The following GABPB2 variants were observed in gnomAD, a reference collection of about 807,000 sequenced individuals.
GABPB2 encodes GA binding protein transcription factor subunit beta 2.
In GABPB2, 23 loss-of-function variants were observed where a neutral mutation model predicts 39.1. The observed-to-expected ratio is 0.59, with a 90% CI of 0.42 to 0.83. The LOEUF (loss-of-function observed/expected upper bound fraction) is 0.83. GABPB2 is among the 40% of genes least tolerant of loss of function. The pLI is 0.00. For missense variants in GABPB2, 467 were observed against 541.1 expected (o/e 0.86, Z 1.36); for synonymous variants, 184 against 199.3 (o/e 0.92, Z 0.65).
In GABPB2 at chr1:151,115,109, T is replaced by C. The variant is rs370355643; in HGVS notation, c.923-2283T>C. On this transcript the variant is annotated intron_variant, in intron 7 of 8. Coordinates refer to ENST00000368918, the MANE Select transcript of GABPB2 (RefSeq NM_144618.3). ...TAAGGTAAGTGTGTGTTTTGTTTTG[T>C]TTTTTAAGAAACTGCCAAACTTGGG... Among the ~76,000 whole-genome samples the C allele has an allele frequency of 5.6e-4, 85 of 152,196 alleles. 1 individual carries two copies. Among genetic ancestry groups the C allele is most frequent in the African/African-American group, 1.8e-3 (74 of 41,562 alleles).
At chr1:151,110,969 T>C (rs866644333) in intron 7 of GABPB2, among the ~76,000 whole-genome samples, 1 of 152,146 alleles carries the variant, frequency 6.6e-6, no homozygotes. Flanking sequence ...GTAAATCTTC[T>C]GTTTTTTTGT....
intron 1 of GABPB2, among the ~76,000 whole-genome samples, chr1:151,077,356 GTTTTTTTTTT>G (rs35650542): frequency 2.7e-5 from 3 of 110,632 alleles, no homozygotes; most frequent in Non-Finnish European, 3.5e-5. Context: ...CAACTCATAG[GTTTTTTTTTT>G]TTTTTTTTTG....
At chr1:151,080,215 CAAAAAAAA>C (rs57351502) in intron 1 of GABPB2, among the ~76,000 whole-genome samples, 2 of 29,968 alleles carry the variant, frequency 6.7e-5, no homozygotes, top group Non-Finnish European at 1.6e-4. Flanking sequence ...AACTCCATCT[CAAAAAAAA>C]AAAAAAAAAA....
chr1:151,102,413 C>G (rs1179926405), intron 5 of GABPB2, among the ~76,000 whole-genome samples: 2 of 152,026 alleles, frequency 1.3e-5, no homozygotes, highest in Admixed American at 6.6e-5. Context: ...ATTGTACTAC[C>G]CTTTGACATT....
Position 151,124,924 on chromosome 1 carries a change from G to A in GABPB2, c.*6668G>A, listed in dbSNP as rs1681320003. 6.6e-6 allele frequency: 1 copy of A among 151,998 alleles called. No homozygotes were observed. Among genetic ancestry groups the A allele is most frequent in the South Asian group, 2.1e-4 (1 of 4,810 alleles). The allele number at this position is 151,998 out of a possible 1,614,324, so 9.4% of individuals were successfully genotyped here. A position where few individuals can be genotyped will look rare whatever the true frequency, so the allele number is the denominator to read the frequency against. On this transcript the variant is annotated 3_prime_UTR_variant, in exon 9 of 9. Transcript: ENST00000368918. ...TACAGTAGCAGTTTGGCATGTTAGT[G>A]ACAGGAAATTGTGATTCCCTATCTC...
At chr1:151,100,408 G>T (rs978930761) in intron 5 of GABPB2, among the ~76,000 whole-genome samples, 4 of 151,684 alleles carry the variant, frequency 2.6e-5, no homozygotes, top group African/African-American at 9.7e-5. Flanking sequence ...CTCCTAAAAT[G>T]CTGGGATTAC....
At chr1:151,106,598 A>T (rs1174593265) in intron 6 of GABPB2, among the ~76,000 whole-genome samples, 1 of 152,112 alleles carries the variant, frequency 6.6e-6, no homozygotes, top group Non-Finnish European at 1.5e-5. Context: ...TTGGCCTCCC[A>T]AAGTGCTGAG....
At chr1:151,076,830 G>T (rs1677208135) in intron 1 of GABPB2, among the ~76,000 whole-genome samples, 1 of 139,626 alleles carries the variant, frequency 7.2e-6, no homozygotes, top group African/African-American at 2.7e-5. Context: ...GTCTCACTCT[G>T]TCGCCCAGGC....
At chr1:151,116,436 AC>A (rs1199815650) in intron 7 of GABPB2, among the ~76,000 whole-genome samples, 3 of 150,272 alleles carry the variant, frequency 2.0e-5, no homozygotes, top group African/African-American at 7.3e-5. Context: ...AGCCATTCTG[AC>A]AGATGTGTAG....
Position 151,118,455 on chromosome 1 carries a change from G to A in GABPB2, c.*199G>A, listed in dbSNP as rs1681050538. 5 of 499,716 alleles carry A rather than the reference G, an allele frequency of 1.0e-5. No individual in the cohort carries two copies. In the South Asian group the frequency reaches 2.5e-4, roughly 25 times the overall value. The allele number at this position is 499,716 out of a possible 1,614,324, so 31.0% of individuals were successfully genotyped here. On this transcript the variant is annotated 3_prime_UTR_variant, in exon 9 of 9. Coordinates refer to ENST00000368918, the MANE Select transcript of GABPB2 (RefSeq NM_144618.3). The stretch of plus-strand genomic sequence containing the variant: ...TATTTAGGGAACATTTTTTCTGAGG[G>A]GCCAAAAGAATAAAGGACCAAATTT...
chr1:151,110,634 A>T (rs1680355991), intron 7 of GABPB2, among the ~76,000 whole-genome samples: 1 of 151,842 alleles, frequency 6.6e-6, no homozygotes, highest in South Asian at 2.1e-4. Flanking sequence ...CTAATTTTTT[A>T]CTTTTTCGTA....
At chr1:151,085,164 G>A (rs1438138696) in intron 1 of GABPB2, among the ~76,000 whole-genome samples, 2 of 151,528 alleles carry the variant, frequency 1.3e-5, no homozygotes, top group East Asian at 2.0e-4. Context: ...TTGGGAGGCC[G>A]AGGCAGGCAG....
At chr1:151,083,675 A>G (rs1280341790) in intron 1 of GABPB2, among the ~76,000 whole-genome samples, 1 of 149,938 alleles carries the variant, frequency 6.7e-6, no homozygotes, top group East Asian at 1.9e-4. Flanking sequence ...ATATATGTAT[A>G]TATACTGTCA....
chr1:151,081,660 T>G, intron 1 of GABPB2, among the ~76,000 whole-genome samples: 1 of 151,806 alleles, frequency 6.6e-6, no homozygotes, highest in African/African-American at 2.4e-5. Context: ...TTTTAGATGG[T>G]GTCTCGCTCT....
intron 3 of GABPB2, 84 bp from the exon 4 acceptor site, chr1:151,093,108 G>C: frequency 9.4e-7 from 1 of 1,067,064 alleles, no homozygotes; most frequent in Non-Finnish European, 1.3e-6. Context: ...AATCTCTATG[G>C]AAATCCTCTG....
At chr1:151,085,222 A>G (rs1353707623) in intron 1 of GABPB2, among the ~76,000 whole-genome samples, 3 of 147,794 alleles carry the variant, frequency 2.0e-5, no homozygotes, top group South Asian at 2.2e-4. Context: ...GCATGGCAAA[A>G]CCCCTCTCTA....
At position 151,124,513 on chromosome 1, in the gene GABPB2, T is replaced by C. The variant is rs1681305751; in HGVS notation, c.*6257T>C. ...TTTTAAGAAAGCTTGTGTGGCTCTC[T>C]CCTATCATTACAGACCTCCAGAGCT... On this transcript the variant is annotated 3_prime_UTR_variant, in exon 9 of 9. Transcript: ENST00000368918. 6.6e-6 allele frequency: 1 copy of C among 151,330 alleles called. No individual in the cohort carries two copies. The highest frequency in any genetic ancestry group is 1.5e-5 in the Non-Finnish European group (1 of 67,880). The allele number at this position is 151,330 out of a possible 1,614,324, so 9.4% of individuals were successfully genotyped here.
chr1:151,114,861 T>C (rs1055980814), intron 7 of GABPB2, among the ~76,000 whole-genome samples: 4 of 150,636 alleles, frequency 2.7e-5, no homozygotes, highest in African/African-American at 7.3e-5. Flanking sequence ...AGTACAAAAA[T>C]TAGTCAGGCG....
chr1:151,103,417 A>C, intron 5 of GABPB2, 145 bp from the exon 6 acceptor site: 1 of 531,502 alleles, frequency 1.9e-6, no homozygotes, highest in Non-Finnish European at 3.4e-6. Flanking sequence ...TAACACTGAT[A>C]TAATTGGCTT....
Sources: gnomAD v4.1 joint callset for allele counts (sites outside exome capture counted in the v4.1 genomes callset) on GRCh38, gnomAD v4.1.1 for gene constraint, MANE v1.5 for transcripts, NCBI Gene and HGNC (gene_info 2026-07-23, HGNC 2026-07-21) for gene names.